Variants in ARHGEF3 observed in about 807,000 individuals in gnomAD.
ARHGEF3 encodes the protein 59.8 kDA protein.
Under a neutral mutation model 63.2 loss-of-function variants are expected in ARHGEF3, and 28 were observed. The observed-to-expected ratio is 0.44, with a 90% CI of 0.33 to 0.61. The LOEUF is 0.61. ARHGEF3 is among the 20% of genes least tolerant of loss of function. ARHGEF3 has a pLI of 0.03. For missense variants in ARHGEF3, 533 were observed against 659.3 expected (o/e 0.81, Z 2.10); for synonymous variants, 266 against 254.2 (o/e 1.05, Z -0.44).
At chr3:56,954,823 C>T (rs886380851) in intron 3 of ARHGEF3, among the ~76,000 whole-genome samples, 1 of 152,198 alleles carries the variant, frequency 6.6e-6, no homozygotes, top group African/African-American at 2.4e-5. Flanking sequence ...AGCCTCTCTA[C>T]AGCCAAACAC....
chr3:56,777,911 G>C (rs1325863757), intron 1 of ARHGEF3, among the ~76,000 whole-genome samples: 1 of 152,172 alleles, frequency 6.6e-6, no homozygotes, highest in Non-Finnish European at 1.5e-5. Context: ...GATTGTGCTA[G>C]CAGATACTCT....
intron 1 of ARHGEF3, among the ~76,000 whole-genome samples, chr3:57,071,116 T>A (rs1341312631): frequency 1.3e-5 from 2 of 152,090 alleles, no homozygotes; most frequent in African/African-American, 4.8e-5. Flanking sequence ...AGGATAGACA[T>A]ATAGATGAAT....
chr3:57,015,665 C>T (rs574247087), intron 2 of ARHGEF3, among the ~76,000 whole-genome samples: 9 of 149,556 alleles, frequency 6.0e-5, no homozygotes, highest in African/African-American at 1.7e-4. Context: ...TGGTCTCAAA[C>T]GCCTGGGCTC....
At chr3:56,810,005 G>C (rs1381722089) in intron 4 of ARHGEF3, among the ~76,000 whole-genome samples, 1 of 152,078 alleles carries the variant, frequency 6.6e-6, no homozygotes, top group Non-Finnish European at 1.5e-5. Flanking sequence ...AGGGATTACA[G>C]ACGTCAGCCA....
intron 2 of ARHGEF3, among the ~76,000 whole-genome samples, chr3:57,029,535 G>A (rs749344546): frequency 2.0e-5 from 3 of 152,152 alleles, no homozygotes; most frequent in Non-Finnish European, 2.9e-5. Flanking sequence ...GATCTCTACA[G>A]TAGCAGATGT....
At chr3:57,040,051 T>C (rs751022025) in intron 1 of ARHGEF3, among the ~76,000 whole-genome samples, 2 of 152,258 alleles carry the variant, frequency 1.3e-5, no homozygotes, top group Non-Finnish European at 2.9e-5. Flanking sequence ...ATGAAATCAA[T>C]GGTGGTGATT....
At chr3:56,899,681 T>G (rs1339919858) in intron 3 of ARHGEF3, among the ~76,000 whole-genome samples, 1 of 152,186 alleles carries the variant, frequency 6.6e-6, no homozygotes, top group Non-Finnish European at 1.5e-5. Context: ...TGAGTGGGAC[T>G]TAGGAAACAC....
At chr3:57,065,821 A>G (rs1393988735) in intron 1 of ARHGEF3, among the ~76,000 whole-genome samples, 2 of 152,114 alleles carry the variant, frequency 1.3e-5, no homozygotes, top group East Asian at 3.8e-4. Context: ...ATTAGCACAC[A>G]CAGCCCCCTA....
intron 1 of ARHGEF3, among the ~76,000 whole-genome samples, chr3:56,792,103 CAAA>C (rs1553755406): frequency 3.3e-5 from 3 of 91,348 alleles, no homozygotes; most frequent in Non-Finnish European, 2.2e-5. Flanking sequence ...GACTCTGTCT[CAAA>C]AAAAAAAAAA....
chr3:56,833,701 T>C (rs2039005287), intron 4 of ARHGEF3, among the ~76,000 whole-genome samples: 1 of 152,216 alleles, frequency 6.6e-6, no homozygotes, highest in Non-Finnish European at 1.5e-5. Context: ...TCTCTAAGGC[T>C]CAAACTTGGA....
chr3:56,938,330 T>G (rs1165214938), intron 3 of ARHGEF3, among the ~76,000 whole-genome samples: 2 of 152,200 alleles, frequency 1.3e-5, no homozygotes, highest in Non-Finnish European at 2.9e-5. Context: ...ATGGGCCCCA[T>G]GCAATCAAGA....
At position 56,937,357 on chromosome 3, in the gene ARHGEF3, T is replaced by G. The variant is rs79792527; in HGVS notation, c.129+21466A>C. Among the ~76,000 whole-genome samples the G allele has an allele frequency of 3.5e-3, 533 of 152,340 alleles. 21 individuals carry two copies. In the East Asian group the frequency reaches 0.076, roughly 22 times the overall value. ...TACTGAAATATTTAGATGTGAAGAA[T>G]CATAGTATCTGTAATTGTGTTACTT... On this transcript the variant is annotated intron_variant, in intron 3 of 12. Transcript: ENST00000338458.
intron 3 of ARHGEF3, among the ~76,000 whole-genome samples, chr3:56,906,696 C>T (rs376871056): frequency 1.3e-4 from 19 of 151,816 alleles, no homozygotes; most frequent in African/African-American, 4.6e-4. Context: ...ATTAGCTGGG[C>T]GTGGTGGCAG....
intron 3 of ARHGEF3, among the ~76,000 whole-genome samples, chr3:56,913,617 A>T (rs756815049): frequency 6.6e-6 from 1 of 152,246 alleles, no homozygotes; most frequent in Non-Finnish European, 1.5e-5. Context: ...AAAACATTCA[A>T]AATAGAATTA....
At chr3:56,904,310 C>A (rs60921597) in intron 3 of ARHGEF3, among the ~76,000 whole-genome samples, 3,489 of 152,196 alleles carry the variant, frequency 0.023, 141 homozygotes, top group African/African-American at 0.079. Context: ...GGATTACAGG[C>A]ATAAGCCACT....
At chr3:56,772,482 G>A (rs1559925752) in intron 2 of ARHGEF3, among the ~76,000 whole-genome samples, 1 of 152,200 alleles carries the variant, frequency 6.6e-6, no homozygotes, top group Non-Finnish European at 1.5e-5. Context: ...CCAAGCAAAA[G>A]CATTCAGGAC....
intron 1 of ARHGEF3, among the ~76,000 whole-genome samples, chr3:56,788,428 T>A (rs2036928775): frequency 6.6e-6 from 1 of 152,188 alleles, no homozygotes; most frequent in Admixed American, 6.5e-5. Flanking sequence ...GGGAACATGA[T>A]ACACAGAGCC....
At chr3:56,794,488 C>CAAAAAAAAAAAAAAA (rs10557985) in intron 1 of ARHGEF3, among the ~76,000 whole-genome samples, 18 of 116,900 alleles carry the variant, frequency 1.5e-4, no homozygotes, top group East Asian at 9.7e-4. Context: ...GACTCTATCT[C>CAAAAAAAAAAAAAAA]AAAAAAAAAA....
intron 4 of ARHGEF3, among the ~76,000 whole-genome samples, chr3:56,858,673 A>G (rs2039966490): frequency 6.6e-6 from 1 of 152,240 alleles, no homozygotes; most frequent in African/African-American, 2.4e-5. Context: ...CAAGGAGGTG[A>G]CATTGAAAGC....
Sources: gnomAD v4.1 joint callset for allele counts (sites outside exome capture counted in the v4.1 genomes callset) on GRCh38, gnomAD v4.1.1 for gene constraint, MANE v1.5 for transcripts, NCBI Gene and HGNC (gene_info 2026-07-23, HGNC 2026-07-21) for gene names.